Variants in GRID1 observed in about 807,000 individuals in gnomAD.
GRID1 encodes the protein glutamate receptor ionotropic, delta-1.
GRID1 carries 28 observed loss-of-function variants against 98.0 expected under a neutral mutation model. The ratio of observed to expected loss-of-function variants is 0.29; its 90% CI spans 0.21 to 0.39. The LOEUF (loss-of-function observed/expected upper bound fraction) is 0.39. Among genes scored for constraint, GRID1 ranks in the 10% least tolerant of loss-of-function variants. The pLI is 1.00. For missense variants in GRID1, 1,111 were observed against 1,340.5 expected (o/e 0.83, Z 2.67); for synonymous variants, 553 against 538.5 (o/e 1.03, Z -0.37).
intron 2 of GRID1, among the ~76,000 whole-genome samples, chr10:86,261,337 G>A (rs1264079766): frequency 6.6e-6 from 1 of 152,248 alleles, no homozygotes; most frequent in Non-Finnish European, 1.5e-5. Flanking sequence ...ATGGCAAAGG[G>A]GTGAGATTCA....
intron 4 of GRID1, among the ~76,000 whole-genome samples, chr10:85,968,200 C>T (rs1256354884): frequency 6.6e-6 from 1 of 152,002 alleles, no homozygotes; most frequent in Admixed American, 6.6e-5. Flanking sequence ...CCTGTAATCC[C>T]AGCACTTTGG....
intron 5 of GRID1, among the ~76,000 whole-genome samples, chr10:85,906,498 G>A (rs559253061): frequency 6.6e-6 from 1 of 152,160 alleles, no homozygotes; most frequent in South Asian, 2.1e-4. Flanking sequence ...CAATATACTG[G>A]CTATCAAATC....
intron 3 of GRID1, among the ~76,000 whole-genome samples, chr10:86,163,846 G>C: frequency 6.6e-6 from 1 of 152,230 alleles, no homozygotes; most frequent in Non-Finnish European, 1.5e-5. Context: ...CCAAATGGCT[G>C]AGAGGATGAA....
intron 3 of GRID1, among the ~76,000 whole-genome samples, chr10:86,150,045 G>A (rs1247933211): frequency 2.6e-5 from 4 of 152,166 alleles, no homozygotes; most frequent in Non-Finnish European, 4.4e-5. Flanking sequence ...TTTCACTTAC[G>A]AGGTATTTGG....
At chr10:85,834,532 A>G (rs1314930409) in intron 8 of GRID1, among the ~76,000 whole-genome samples, 2 of 152,228 alleles carry the variant, frequency 1.3e-5, no homozygotes, top group East Asian at 3.8e-4. Context: ...CAGAAATATG[A>G]GTATATACTA....
At chr10:86,225,491 C>T (rs1040725440) in intron 2 of GRID1, among the ~76,000 whole-genome samples, 1 of 152,190 alleles carries the variant, frequency 6.6e-6, no homozygotes, top group Admixed American at 6.5e-5. Context: ...CTTCTCAAAG[C>T]GTGTATTTCT....
Position 85,724,427 on chromosome 10 carries a change from C to T in GRID1, c.1783G>A (p.Ala595Thr). 1.9e-6 allele frequency: 3 copies of T among 1,614,116 alleles called. No individual in the cohort carries two copies. The highest frequency in any genetic ancestry group is 2.5e-6 in the Non-Finnish European group (3 of 1,180,014). The change falls in exon 11 of 16, where the codon GCC becomes ACC. Residue 595 changes from alanine to threonine, a missense_variant. Ala to Thr is a moderately conservative substitution (Grantham distance 58). Coordinates refer to ENST00000327946, the MANE Select transcript of GRID1 (RefSeq NM_017551.3). ...RIQAVRAQSA[A>T]QPRPSASATL... Reference sequence around the variant, plus strand: ...GCAGAAGCTGACGGCCTGGGCTGGGCAGCACTCTGAGCCCTCACAGCCTGT... The same window carrying T: ...GCAGAAGCTGACGGCCTGGGCTGGGTAGCACTCTGAGCCCTCACAGCCTGT...
In GRID1 at chr10:86,319,520, G is replaced by A. The variant is rs976487949; in HGVS notation, c.235+44421C>T. ...TGCCTGGCATGGGATGAAGGGGTGGGATCCCCTCCCCCTGCCCCAGGCCCC... is the reference window on the plus strand; with the variant it reads ...TGCCTGGCATGGGATGAAGGGGTGGAATCCCCTCCCCCTGCCCCAGGCCCC... On this transcript the variant is annotated intron_variant, in intron 2 of 15. Coordinates refer to ENST00000327946, the MANE Select transcript of GRID1 (RefSeq NM_017551.3). 3.6e-4 allele frequency among the ~76,000 whole-genome samples: 55 copies of A among 152,234 alleles called. No individual in the cohort carries two copies. In the Middle Eastern group the frequency reaches 0.014, roughly 38 times the overall value.
intron 8 of GRID1, among the ~76,000 whole-genome samples, chr10:85,749,715 C>A (rs1388677695): frequency 1.3e-5 from 2 of 152,188 alleles, no homozygotes; most frequent in Non-Finnish European, 2.9e-5. Flanking sequence ...ACTTTCTGTT[C>A]CTCAGACAGT....
At chr10:86,261,573 G>A (rs79249111) in intron 2 of GRID1, among the ~76,000 whole-genome samples, 7,353 of 152,226 alleles carry the variant, frequency 0.048, 435 homozygotes, top group African/African-American at 0.14. Flanking sequence ...CCAAGCCAGG[G>A]GCGTTTTCCT....
chr10:86,349,833 C>A (rs1425440400), intron 2 of GRID1, among the ~76,000 whole-genome samples: 1 of 152,222 alleles, frequency 6.6e-6, no homozygotes, highest in Non-Finnish European at 1.5e-5. Context: ...AGCCACATAC[C>A]AGGCTTGGCT....
rs1268882202 is a variant in GRID1 at position 86,366,395 on chromosome 10, C to A, written c.-3G>T. Reference sequence around the variant, plus strand: ...AGCCACAGCGTCAGCGCTTCCATGTCCCCCGGGCGCGCGGCTCATCCACCC... The same window carrying A: ...AGCCACAGCGTCAGCGCTTCCATGTACCCCGGGCGCGCGGCTCATCCACCC... On this transcript the variant is annotated 5_prime_UTR_variant, in exon 1 of 16. Transcript: ENST00000327946. This position sits in a 1 kb window ranked among gnomAD's most constrained non-coding sequence, Gnocchi z 4.1. 4 of 1,496,554 alleles carry A rather than the reference C, an allele frequency of 2.7e-6. No homozygotes were observed. The Admixed American group carries it at 8.5e-5, about 32-fold the overall frequency. 92.7% of individuals were successfully genotyped at this position (1,496,554 alleles called of 1,614,324 possible).
intron 8 of GRID1, among the ~76,000 whole-genome samples, chr10:85,779,806 G>A (rs1842365332): frequency 6.6e-6 from 1 of 152,200 alleles, no homozygotes; most frequent in African/African-American, 2.4e-5. Flanking sequence ...CTGTGGAGAT[G>A]AAGACGGAAA....
intron 4 of GRID1, among the ~76,000 whole-genome samples, chr10:86,079,217 C>T (rs1843929610): frequency 6.6e-6 from 1 of 152,216 alleles, no homozygotes; most frequent in Non-Finnish European, 1.5e-5. Flanking sequence ...CAGCAGCCTC[C>T]TGGAGCGGCC....
rs183855733 is a variant in GRID1 at position 86,095,432 on chromosome 10, G to A, written c.726+43387C>T. Among the ~76,000 whole-genome samples the A allele has an allele frequency of 4.0e-3, 605 of 152,258 alleles. 1 individual carries two copies. Among genetic ancestry groups the A allele is most frequent in the Non-Finnish European group, 6.7e-3 (454 of 68,024 alleles). ...CATAAACAGACAACCCACAGAGTGG[G>A]AGAAAATCTTCACAATCTATACATC... On this transcript the variant is annotated intron_variant, in intron 4 of 15. Transcript: ENST00000327946.
At chr10:85,629,591 C>T (rs1003251365) in intron 13 of GRID1, among the ~76,000 whole-genome samples, 2 of 152,166 alleles carry the variant, frequency 1.3e-5, no homozygotes, top group African/African-American at 4.8e-5. Context: ...GAATAATATT[C>T]CTTTGCATAA....
At chr10:85,964,462 A>G (rs1842311103) in intron 4 of GRID1, among the ~76,000 whole-genome samples, 1 of 152,242 alleles carries the variant, frequency 6.6e-6, no homozygotes. Flanking sequence ...AATGGAACAG[A>G]ATAGAGGCCT....
At chr10:85,859,613 T>C (rs993300429) in intron 6 of GRID1, among the ~76,000 whole-genome samples, 5 of 152,208 alleles carry the variant, frequency 3.3e-5, no homozygotes, top group African/African-American at 1.2e-4. Context: ...TAAAACCTCC[T>C]CAAAACATCT....
chr10:86,058,855 A>G (rs1404315162), intron 4 of GRID1, among the ~76,000 whole-genome samples: 1 of 152,204 alleles, frequency 6.6e-6, no homozygotes, highest in Non-Finnish European at 1.5e-5. Context: ...GGAGCTTATA[A>G]TTTAGGGGAG....
Sources: allele counts gnomAD v4.1 joint callset (sites outside exome capture counted in the v4.1 genomes callset), GRCh38; gene constraint gnomAD v4.1.1; non-coding constraint Gnocchi (gnomAD v3.1); transcripts MANE v1.5; gene names NCBI Gene and HGNC (gene_info 2026-07-23, HGNC 2026-07-21).